DNAH12: variants seen among roughly 807,000 people sequenced by gnomAD.
DNAH12 encodes the protein dynein axonemal heavy chain 12, also known as axonemal beta dynein heavy chain 12.
In DNAH12, 285 loss-of-function variants were observed where a neutral mutation model predicts 371.5. That is an observed-to-expected ratio of 0.77 (90% confidence interval 0.70 to 0.85). The LOEUF is 0.85. Among genes scored for constraint, DNAH12 ranks in the 40% least tolerant of loss-of-function variants. DNAH12 has a pLI of 0.00. For missense variants in DNAH12, 3,611 were observed against 3,689.4 expected (o/e 0.98, Z 0.55); for synonymous variants, 1,200 against 1,213.0 (o/e 0.99, Z 0.22).
chr3:57,326,363 G>C lies in DNAH12; in HGVS notation c.9979-2744C>G, dbSNP rs570603840. ...CCATCAGACTAACAGCTGAGCTCTC[G>C]GCAGAAACTCTACAAGCCAGAAGAG... On this transcript the variant is annotated intron_variant, in intron 62 of 73. Transcript: ENST00000495027. Among the ~76,000 whole-genome samples, 675 of 152,184 alleles carry C rather than the reference G, an allele frequency of 4.4e-3. 7 individuals carry two copies. Among genetic ancestry groups the C allele is most frequent in the African/African-American group, 0.016 (649 of 41,516 alleles).
chr3:57,298,793 G>T (rs1233425349), intron 70 of DNAH12, among the ~76,000 whole-genome samples: 2 of 152,102 alleles, frequency 1.3e-5, no homozygotes, highest in Non-Finnish European at 2.9e-5. Flanking sequence ...GTCTCTTATG[G>T]AACATCCCTT....
chr3:57,476,301 C>A (rs190022089), intron 13 of DNAH12, among the ~76,000 whole-genome samples: 14 of 152,140 alleles, frequency 9.2e-5, no homozygotes, highest in Middle Eastern at 3.4e-3. Flanking sequence ...CGCAGTGGCT[C>A]ATGCCTGTAA....
intron 28 of DNAH12, 51 bp downstream of exon 28, chr3:57,445,123 G>A: frequency 6.8e-7 from 1 of 1,471,676 alleles, no homozygotes; most frequent in Non-Finnish European, 9.0e-7. Flanking sequence ...CCTCACTAAA[G>A]AAAATTATCT....
At chr3:57,464,397 G>T (rs975132753) in intron 17 of DNAH12, among the ~76,000 whole-genome samples, 4 of 152,052 alleles carry the variant, frequency 2.6e-5, no homozygotes, top group African/African-American at 9.7e-5. Context: ...CTGTGGGACC[G>T]TCCGCATTCA....
intron 62 of DNAH12, among the ~76,000 whole-genome samples, chr3:57,329,783 A>G (rs1375093891): frequency 1.3e-5 from 2 of 151,998 alleles, no homozygotes; most frequent in Admixed American, 1.3e-4. Flanking sequence ...GCAACCCACA[A>G]AATGGGAGAA....
At chr3:57,393,481 C>T (rs988402119) in intron 44 of DNAH12, among the ~76,000 whole-genome samples, 1 of 151,770 alleles carries the variant, frequency 6.6e-6, no homozygotes, top group Admixed American at 6.6e-5. Flanking sequence ...CAAAAATTAG[C>T]TGGGCCTGGT....
rs559489870 is a variant in DNAH12 at position 57,534,165 on chromosome 3, T to C, written c.170+8536A>G. The stretch of plus-strand genomic sequence containing the variant: ...AGGCAGCATTGAGTTCAATGCAAAG[T>C]CTCACAATCACTGCACTCTCCATCC... On this transcript the variant is annotated intron_variant, in intron 2 of 73. Transcript: ENST00000495027. Among the ~76,000 whole-genome samples the C allele has an allele frequency of 3.8e-3, 378 of 100,530 alleles. 3 individuals carry two copies. The highest frequency in any genetic ancestry group is 0.015 in the African/African-American group (366 of 23,904). The allele number at this position is 100,530 out of a possible 152,430, so 66.0% of individuals were successfully genotyped here. A position where few individuals can be genotyped will look rare whatever the true frequency, so the allele number is the denominator to read the frequency against.
chr3:57,305,718 C>T (rs1052012276), intron 69 of DNAH12, among the ~76,000 whole-genome samples: 1 of 152,084 alleles, frequency 6.6e-6, no homozygotes, highest in Non-Finnish European at 1.5e-5. Flanking sequence ...ATTTTATTAC[C>T]CAATCCGCTT....
intron 4 of DNAH12, chr3:57,520,076 G>GGAGCCGCCCGTCGA (rs1553718124): frequency 9.3e-6 from 4 of 432,260 alleles, no homozygotes; most frequent in Admixed American, 5.4e-5. Flanking sequence ...GCGGCTCTGT[G>GGAGCCGCCCGTCGA]GCTACAGCGT....
chr3:57,496,089 A>T (rs2067311214), intron 11 of DNAH12, among the ~76,000 whole-genome samples: 1 of 151,590 alleles, frequency 6.6e-6, no homozygotes, highest in South Asian at 2.1e-4. Flanking sequence ...ATGTATCCAA[A>T]ACCAGAAATT....
At chr3:57,399,717 C>A (rs927698749) in intron 43 of DNAH12, among the ~76,000 whole-genome samples, 1 of 152,188 alleles carries the variant, frequency 6.6e-6, no homozygotes. Flanking sequence ...GCAAGACCAA[C>A]TCACTCCTCT....
At chr3:57,531,499 C>T (rs572039909) in intron 2 of DNAH12, among the ~76,000 whole-genome samples, 7 of 152,042 alleles carry the variant, frequency 4.6e-5, no homozygotes, top group South Asian at 2.1e-4. Flanking sequence ...TGGTGGCTCA[C>T]GTCTGTAATC....
chr3:57,415,131 T>TTG (rs750274510), intron 38 of DNAH12, among the ~76,000 whole-genome samples: 1 of 151,008 alleles, frequency 6.6e-6, no homozygotes, highest in African/African-American at 2.4e-5. Flanking sequence ...ATGTGTGTGT[T>TTG]TGTGTGTGTG....
chr3:57,338,425 C>A (rs2062289771), intron 60 of DNAH12, among the ~76,000 whole-genome samples: 1 of 148,424 alleles, frequency 6.7e-6, no homozygotes, highest in Non-Finnish European at 1.5e-5. Flanking sequence ...TGAGGAGCAT[C>A]TCTGCCTGGC....
chr3:57,446,288 G>T lies in DNAH12; in HGVS notation c.3940-18C>A. 6.5e-7 allele frequency: 1 copy of T among 1,539,782 alleles called. No homozygotes were observed. Among genetic ancestry groups the T allele is most frequent in the Non-Finnish European group, 8.8e-7 (1 of 1,140,770 alleles). The stretch of plus-strand genomic sequence containing the variant: ...TTAAAAAACTAAGGACAAAGAAAAA[G>T]GAAAGTGATTTTTTTCTCAGGAAAG... On this transcript the variant is annotated intron_variant, in intron 26 of 73. Coordinates refer to ENST00000495027, the MANE Select transcript of DNAH12 (RefSeq NM_001366028.2).
chr3:57,519,302 T>C (rs1559745299), intron 4 of DNAH12, among the ~76,000 whole-genome samples: 1 of 152,182 alleles, frequency 6.6e-6, no homozygotes, highest in Non-Finnish European at 1.5e-5. Flanking sequence ...ACCGTAAGCA[T>C]GCAAAAAGTT....
chr3:57,469,902 T>C (rs943111635), intron 16 of DNAH12, among the ~76,000 whole-genome samples: 2 of 152,056 alleles, frequency 1.3e-5, no homozygotes, highest in East Asian at 1.9e-4. Flanking sequence ...ACCTGGGAGA[T>C]AGGATCATTT....
chr3:57,323,181 C>T lies in DNAH12; in HGVS notation c.10209G>A (p.Pro3403=), dbSNP rs145186842. The T allele has an allele frequency of 1.8e-4, 285 of 1,552,372 alleles. 1 individual carries two copies. The African/African-American group carries it at 3.3e-3, about 18-fold the overall frequency. The part of the protein sequence containing the change: ...QAISLGQGQG[P]IAAKMIKAAI... ...CTGCTTTAATCATTTTTGCTGCAATCGGTCCTTGTCCCTGTCCCAGTGAAA... is the reference window on the plus strand; with the variant it reads ...CTGCTTTAATCATTTTTGCTGCAATTGGTCCTTGTCCCTGTCCCAGTGAAA... Residue 3403 remains proline, a synonymous_variant, in exon 64 of 74, where the codon CCG becomes CCA. Transcript: ENST00000495027.
chr3:57,378,546 T>C (rs902721339), intron 52 of DNAH12, among the ~76,000 whole-genome samples: 19 of 152,296 alleles, frequency 1.2e-4, no homozygotes, highest in African/African-American at 4.3e-4. Flanking sequence ...TATATTTTCA[T>C]CTACACCTTT....
Sources: gnomAD v4.1 joint callset for allele counts (sites outside exome capture counted in the v4.1 genomes callset) on GRCh38, gnomAD v4.1.1 for gene constraint, MANE v1.5 for transcripts, NCBI Gene and HGNC (gene_info 2026-07-23, HGNC 2026-07-21) for gene names.